The following WDR41 variants were observed in gnomAD, a reference collection of about 807,000 sequenced individuals.
The protein encoded by WDR41 is WD repeat-containing protein 41.
Under a neutral mutation model 69.3 loss-of-function variants are expected in WDR41, and 63 were observed. That is an observed-to-expected ratio of 0.91 (90% CI 0.74 to 1.12). The LOEUF (loss-of-function observed/expected upper bound fraction) is 1.12. Among genes scored for constraint, WDR41 ranks in the 50% most tolerant of loss-of-function variants. The probability of loss-of-function intolerance (pLI) is 0.00; values close to 1 mark genes in which losing one functional copy is unlikely to be tolerated. For synonymous variants in WDR41, 185 were observed against 192.1 expected (o/e 0.96, Z 0.31); for missense variants, 543 against 534.5 (o/e 1.02, Z -0.16).
At chr5:77,590,985 T>C (rs988165223) in intron 1 of WDR41, among the ~76,000 whole-genome samples, 1 of 152,164 alleles carries the variant, frequency 6.6e-6, no homozygotes, top group African/African-American at 2.4e-5. Context: ...TTAATGGAAA[T>C]AAATGTTTGG....
chr5:77,576,279 A>C (rs1743830489), intron 1 of WDR41, among the ~76,000 whole-genome samples: 2 of 151,884 alleles, frequency 1.3e-5, no homozygotes, highest in Admixed American at 6.6e-5. Context: ...ATTAACATGC[A>C]CAATTCTCCC....
At chr5:77,441,066 G>A in intron 8 of WDR41, 69 bp from the exon 9 acceptor site, 1 of 1,515,472 alleles carries the variant, frequency 6.6e-7, no homozygotes, top group Non-Finnish European at 8.9e-7. Context: ...TGAATGGAAT[G>A]TCTAGTAGTA....
At chr5:77,471,609 C>A (rs1019791204) in intron 2 of WDR41, among the ~76,000 whole-genome samples, 1 of 152,066 alleles carries the variant, frequency 6.6e-6, no homozygotes, top group African/African-American at 2.4e-5. Flanking sequence ...CCACCAATCC[C>A]ACAGAAATAC....
At chr5:77,608,864 G>A (rs1043095647) in intron 1 of WDR41, among the ~76,000 whole-genome samples, 13 of 152,336 alleles carry the variant, frequency 8.5e-5, no homozygotes, top group African/African-American at 2.4e-4. Flanking sequence ...TGCCTCACTC[G>A]GGAAGCACAA....
intron 2 of WDR41, among the ~76,000 whole-genome samples, chr5:77,484,752 A>G (rs190668409): frequency 2.6e-5 from 4 of 152,320 alleles, no homozygotes; most frequent in African/African-American, 9.6e-5. Context: ...ACAACTATGG[A>G]AGTGTGGCAG....
At chr5:77,453,702 C>A (rs1799712820) in intron 6 of WDR41, 115 bp downstream of exon 6, 1 of 760,198 alleles carries the variant, frequency 1.3e-6, no homozygotes, top group South Asian at 1.8e-5. Flanking sequence ...ATCTTCAGAA[C>A]TGAAAAAGAA....
intron 1 of WDR41, among the ~76,000 whole-genome samples, chr5:77,568,201 T>C (rs1261989318): frequency 6.6e-6 from 1 of 152,282 alleles, no homozygotes; most frequent in South Asian, 2.1e-4. Flanking sequence ...ATGTACAAGA[T>C]AGTGATACTG....
chr5:77,602,940 C>CTT (rs576335451), intron 1 of WDR41, among the ~76,000 whole-genome samples: 33 of 137,144 alleles, frequency 2.4e-4, no homozygotes, highest in African/African-American at 5.9e-4. Flanking sequence ...ATTTTTTTGT[C>CTT]TTTTTTTTTT....
chr5:77,581,671 T>A (rs6453334), intron 1 of WDR41, among the ~76,000 whole-genome samples: 44,743 of 151,852 alleles, frequency 0.29, 7,206 homozygotes, highest in East Asian at 0.41. Flanking sequence ...CCACAATGGG[T>A]TGAAATTAGA....
intron 1 of WDR41, among the ~76,000 whole-genome samples, chr5:77,590,375 T>C (rs562155470): frequency 2.0e-4 from 31 of 152,228 alleles, no homozygotes; most frequent in Middle Eastern, 3.4e-3. Context: ...AGGAAACACA[T>C]CGGAGTTATT....
chr5:77,492,085 G>C (rs748568580), intron 1 of WDR41, 85 bp downstream of exon 1: 49 of 1,531,218 alleles, frequency 3.2e-5, no homozygotes, highest in Admixed American at 5.4e-5. Context: ...GGTCCCCGCG[G>C]TCGGAACCCA....
At position 77,616,720 on chromosome 5, in the gene WDR41, C is replaced by T. The variant is rs143948502; in HGVS notation, c.42+3759G>A. Among the ~76,000 whole-genome samples the T allele has an allele frequency of 1.8e-3, 276 of 152,278 alleles. 1 individual carries two copies. Among genetic ancestry groups the T allele is most frequent in the African/African-American group, 6.3e-3 (263 of 41,546 alleles). Reference sequence around the variant, plus strand: ...GACCAAGCCACAGCCCAAACATTTACATACAGATACATTAAAACCTTAGAT... The same window carrying T: ...GACCAAGCCACAGCCCAAACATTTATATACAGATACATTAAAACCTTAGAT... On this transcript the variant is annotated intron_variant, in intron 1 of 5. Transcript: ENST00000509971.
chr5:77,580,965 T>C (rs1207993643), intron 1 of WDR41, among the ~76,000 whole-genome samples: 2 of 150,910 alleles, frequency 1.3e-5, no homozygotes, highest in African/African-American at 2.4e-5. Context: ...CAAAAATAAA[T>C]AAATAAATAA....
intron 4 of WDR41, among the ~76,000 whole-genome samples, chr5:77,460,638 T>C (rs1315889022): frequency 6.6e-6 from 1 of 152,226 alleles, no homozygotes; most frequent in Non-Finnish European, 1.5e-5. Context: ...ATATACCTAA[T>C]GAGCTATCTT....
rs539394783 is a variant in WDR41, at chr5:77,598,651, T to G, written c.42+21828A>C. Among the ~76,000 whole-genome samples, 6 of 135,814 alleles carry G rather than the reference T, an allele frequency of 4.4e-5. No homozygotes were observed. In the East Asian group the frequency reaches 2.0e-3, roughly 46 times the overall value. The allele number at this position is 135,814 out of a possible 152,430, so 89.1% of individuals were successfully genotyped here. A position where few individuals can be genotyped will look rare whatever the true frequency, so the allele number is the denominator to read the frequency against. ...TGTGAATCAGTAAGTTTCCTTTTTT[T>G]TTTTGTTTTTTTTGTAGCTTAGCTT... On this transcript the variant is annotated intron_variant, in intron 1 of 5. Coordinates refer to the WDR41 transcript ENST00000509971.
At position 77,619,183 on chromosome 5, in the gene WDR41, A is replaced by G. The variant is rs116668990; in HGVS notation, c.42+1296T>C. On this transcript the variant is annotated intron_variant, in intron 1 of 5. Transcript: ENST00000509971. The stretch of plus-strand genomic sequence containing the variant: ...CAATATGATTTTTACTTTTACATGG[A>G]AAATCATTTGTTTCCTCTCTCACTT... Among the ~76,000 whole-genome samples the G allele has an allele frequency of 4.5e-3, 682 of 152,298 alleles. 2 individuals carry two copies. The highest frequency in any genetic ancestry group is 0.016 in the African/African-American group (648 of 41,564).
intron 1 of WDR41, among the ~76,000 whole-genome samples, chr5:77,528,850 A>G (rs752457429): frequency 6.6e-6 from 1 of 151,614 alleles, no homozygotes; most frequent in Non-Finnish European, 1.5e-5. Context: ...TTTTTTAAAA[A>G]AGAACTTTCA....
At chr5:77,609,706 A>G (rs1019913833) in intron 1 of WDR41, among the ~76,000 whole-genome samples, 15 of 152,140 alleles carry the variant, frequency 9.9e-5, no homozygotes, top group African/African-American at 3.4e-4. Flanking sequence ...AAAGATGGGG[A>G]AAAAACAGAG....
Position 77,490,603 on chromosome 5 carries a change from C to A in WDR41, c.52-1031G>T, listed in dbSNP as rs1367067755. Among the ~76,000 whole-genome samples the A allele has an allele frequency of 2.7e-5, 4 of 146,228 alleles. No individual in the cohort carries two copies. The East Asian group carries it at 8.1e-4, about 30-fold the overall frequency. ...GCATAAATGTTTTCCAAAAAAAAAACCACCACCACAAAGCATTGATTTTGT... is the reference window on the plus strand; with the variant it reads ...GCATAAATGTTTTCCAAAAAAAAAAACACCACCACAAAGCATTGATTTTGT... On this transcript the variant is annotated intron_variant, in intron 1 of 12. Coordinates refer to ENST00000296679, the MANE Select transcript of WDR41 (RefSeq NM_018268.4).
Sources: allele counts gnomAD v4.1 joint callset (sites outside exome capture counted in the v4.1 genomes callset), GRCh38; gene constraint gnomAD v4.1.1; transcripts MANE v1.5; gene names NCBI Gene and HGNC (gene_info 2026-07-23, HGNC 2026-07-21).